Variants in KIF26B observed in about 807,000 individuals in gnomAD.
KIF26B encodes the protein kinesin family member 26B.
Under a neutral mutation model 151.2 loss-of-function variants are expected in KIF26B, and 63 were observed. The ratio of observed to expected loss-of-function variants is 0.42; its 90% CI spans 0.34 to 0.51. The LOEUF (loss-of-function observed/expected upper bound fraction) is 0.51, where lower values mean the gene tolerates loss of function less well. Ranked by LOEUF, KIF26B falls within the 20% of genes least tolerant of loss-of-function variation. KIF26B has a pLI of 0.07. For missense variants in KIF26B, 2,813 were observed against 2,913.6 expected, an observed-to-expected ratio of 0.97 and a Z score of 0.79; for synonymous variants, 1,357 against 1,262.1, an observed-to-expected ratio of 1.08 and a Z score of -1.59.
chr1:245,499,074 A>T lies in KIF26B; in HGVS notation c.1167-41693A>T, dbSNP rs562945351. On this transcript the variant is annotated intron_variant, in intron 4 of 14. Transcript: ENST00000407071. ...AACAACTTGGATTGCCTTTTTTTTT[A>T]AAATCAGTTTTTATCTAGACCAAAT... 7.3e-4 allele frequency among the ~76,000 whole-genome samples: 111 copies of T among 152,086 alleles called. 1 individual carries two copies. The highest frequency in any genetic ancestry group is 1.1e-3 in the Admixed American group (17 of 15,274).
intron 2 of KIF26B, 55 bp from the exon 3 acceptor site, chr1:245,366,779 A>G: frequency 1.3e-6 from 2 of 1,562,176 alleles, no homozygotes; most frequent in Non-Finnish European, 8.7e-7. Context: ...TCTGACTTGC[A>G]CTAGCAGCCT....
rs770512246 is a variant in KIF26B at position 245,667,968 on chromosome 1, T to G, written c.2259-16265T>G. 6.6e-6 allele frequency among the ~76,000 whole-genome samples: 1 copy of G among 152,204 alleles called. No homozygotes were observed. The highest frequency in any genetic ancestry group is 1.5e-5 in the Non-Finnish European group (1 of 68,040). The stretch of plus-strand genomic sequence containing the variant: ...TGCAGTGCAGTGGCGCAATCTCAGC[T>G]CACTGCAACTTCCACCTCCCAGGTT... On this transcript the variant is annotated intron_variant, in intron 10 of 14. Coordinates refer to ENST00000407071, the MANE Select transcript of KIF26B (RefSeq NM_018012.4). This position sits in a 1 kb window ranked among gnomAD's most constrained non-coding sequence, Gnocchi z 4.3.
intron 5 of KIF26B, among the ~76,000 whole-genome samples, chr1:245,600,324 C>T (rs1469330832): frequency 2.1e-5 from 3 of 144,998 alleles, no homozygotes; most frequent in African/African-American, 7.6e-5. Flanking sequence ...AGGCGTGAGC[C>T]ACCACGCCTG....
At chr1:245,427,564 C>T (rs761493481) in intron 4 of KIF26B, among the ~76,000 whole-genome samples, 18 of 152,272 alleles carry the variant, frequency 1.2e-4, no homozygotes, top group African/African-American at 4.1e-4. Context: ...GCCAAGATCA[C>T]GCCATTGCAC....
intron 3 of KIF26B, among the ~76,000 whole-genome samples, chr1:245,415,869 T>C (rs1361951808): frequency 6.6e-6 from 1 of 150,778 alleles, no homozygotes; most frequent in Non-Finnish European, 1.5e-5. Context: ...AATGAACTAG[T>C]AGACTAAAAA....
At chr1:245,253,300 G>T (rs1397614125) in intron 2 of KIF26B, among the ~76,000 whole-genome samples, 2 of 151,690 alleles carry the variant, frequency 1.3e-5, no homozygotes, top group Non-Finnish European at 2.9e-5. Context: ...TGAGCTACTG[G>T]GCCCTGCCTC....
intron 2 of KIF26B, among the ~76,000 whole-genome samples, chr1:245,205,382 G>T (rs925673654): frequency 6.6e-6 from 1 of 152,034 alleles, no homozygotes; most frequent in African/African-American, 2.4e-5. Flanking sequence ...TATTCTATAG[G>T]CAAAAACAAC....
At chr1:245,460,409 G>T (rs552838878) in intron 4 of KIF26B, among the ~76,000 whole-genome samples, 186 of 152,212 alleles carry the variant, frequency 1.2e-3, no homozygotes, top group African/African-American at 4.2e-3. Context: ...CCCCTGTTTT[G>T]GTAATGTTTC....
rs2044729719 is a variant in KIF26B, at chr1:245,698,822, G to A, written c.6028-65G>A. The A allele has an allele frequency of 2.6e-6, 4 of 1,553,394 alleles. No homozygotes were observed. Among genetic ancestry groups the A allele is most frequent in the Non-Finnish European group, 3.5e-6 (4 of 1,143,164 alleles). On this transcript the variant is annotated intron_variant, in intron 13 of 14. Coordinates refer to ENST00000407071, the MANE Select transcript of KIF26B (RefSeq NM_018012.4). The surrounding 1 kb of genome is among the most constrained non-coding windows in gnomAD (Gnocchi z 4.0). The stretch of plus-strand genomic sequence containing the variant: ...TGTTTTCCATCAACGATACTCACAG[G>A]TGCTCCTGTGGTGTGGGCTGGGTGT...
At chr1:245,477,639 A>C (rs574627111) in intron 4 of KIF26B, among the ~76,000 whole-genome samples, 1 of 151,900 alleles carries the variant, frequency 6.6e-6, no homozygotes, top group South Asian at 2.1e-4. Flanking sequence ...AGGTGTCTGG[A>C]TATCTCTGAG....
Position 245,687,343 on chromosome 1 carries a change from C to A in KIF26B, c.4360C>A (p.His1454Asn). Residue 1454 changes from histidine (H) to asparagine (N), a missense_variant, in exon 12 of 15, where the codon CAT (histidine) becomes AAT (asparagine). His to Asn is a moderately conservative substitution (Grantham distance 68). Coordinates refer to ENST00000407071, the MANE Select transcript of KIF26B (RefSeq NM_018012.4). The surrounding 1 kb of genome is among the most constrained non-coding windows in gnomAD (Gnocchi z 4.9). Reference protein sequence around the residue: ...REEEVKKETAHPNEEGMMRCE... With the variant: ...REEEVKKETANPNEEGMMRCE... Reference sequence around the variant, plus strand: ...AGAGGAAGTGAAAAAAGAGACGGCTCATCCCAATGAAGAAGGGATGATGAG... The same window carrying A: ...AGAGGAAGTGAAAAAAGAGACGGCTAATCCCAATGAAGAAGGGATGATGAG... 1 of 1,595,886 alleles carries A rather than the reference C, an allele frequency of 6.3e-7. No homozygotes were observed. The highest frequency in any genetic ancestry group is 8.5e-7 in the Non-Finnish European group (1 of 1,171,798).
chr1:245,357,295 T>C (rs1672721120), intron 2 of KIF26B, among the ~76,000 whole-genome samples: 1 of 152,230 alleles, frequency 6.6e-6, no homozygotes, highest in Non-Finnish European at 1.5e-5. Context: ...GTAGAAGTTA[T>C]CATTACTATT....
chr1:245,639,968 T>A (rs2043871102), intron 9 of KIF26B, among the ~76,000 whole-genome samples: 1 of 151,188 alleles, frequency 6.6e-6, no homozygotes, highest in African/African-American at 2.4e-5. Context: ...GAATATCTGT[T>A]AGGTCCCTTT....
chr1:245,418,626 G>A (rs1039077296), intron 3 of KIF26B, among the ~76,000 whole-genome samples: 5 of 152,168 alleles, frequency 3.3e-5, no homozygotes, highest in African/African-American at 1.2e-4. Context: ...TTTCCACTTA[G>A]CATTTAAGGG....
intron 5 of KIF26B, among the ~76,000 whole-genome samples, chr1:245,599,783 T>C (rs2103143346): frequency 6.6e-6 from 1 of 152,202 alleles, no homozygotes; most frequent in Admixed American, 6.5e-5. Context: ...GGCAGATCTG[T>C]AGGAATGAGT....
At chr1:245,626,944 G>T (rs1374858622) in intron 9 of KIF26B, among the ~76,000 whole-genome samples, 1 of 152,132 alleles carries the variant, frequency 6.6e-6, no homozygotes, top group African/African-American at 2.4e-5. Context: ...TCACCCTTCT[G>T]CTTATGGATA....
intron 2 of KIF26B, among the ~76,000 whole-genome samples, chr1:245,184,014 C>G (rs1373831014): frequency 1.6e-5 from 2 of 123,276 alleles, no homozygotes; most frequent in South Asian, 2.6e-4. Flanking sequence ...CATCTTGACC[C>G]CTAACCTCCT....
chr1:245,202,682 C>T (rs1367938552), intron 2 of KIF26B, among the ~76,000 whole-genome samples: 2 of 150,088 alleles, frequency 1.3e-5, no homozygotes, highest in African/African-American at 4.9e-5. Context: ...ATGCCGTGAA[C>T]CCGGGAGGCG....
At chr1:245,290,948 G>T (rs1468209542) in intron 2 of KIF26B, among the ~76,000 whole-genome samples, 1 of 152,240 alleles carries the variant, frequency 6.6e-6, no homozygotes, top group Non-Finnish European at 1.5e-5. Flanking sequence ...GCTCCCTCAT[G>T]TGTCTGTGGT....
Sources: allele counts gnomAD v4.1 joint callset (sites outside exome capture counted in the v4.1 genomes callset), GRCh38; gene constraint gnomAD v4.1.1; non-coding constraint Gnocchi (gnomAD v3.1); transcripts MANE v1.5; gene names NCBI Gene and HGNC (gene_info 2026-07-23, HGNC 2026-07-21).